Variants in DLG2 observed in about 807,000 individuals in gnomAD.
DLG2 encodes the protein disks large homolog 2.
Under a neutral mutation model 132.5 loss-of-function variants are expected in DLG2, and 45 were observed. The observed-to-expected ratio is 0.34, with a 90% confidence interval of 0.27 to 0.44. The LOEUF is 0.44. DLG2 is among the 20% of genes least tolerant of loss of function. The probability of loss-of-function intolerance (pLI) is 1.00; values close to 1 mark genes in which losing one functional copy is unlikely to be tolerated. For missense variants in DLG2, 1,045 were observed against 1,196.9 expected (o/e 0.87, Z 1.87); for synonymous variants, 424 against 419.6 (o/e 1.01, Z -0.13).
chr11:83,821,827 T>C (rs928234238), intron 17 of DLG2, among the ~76,000 whole-genome samples: 1 of 152,158 alleles, frequency 6.6e-6, no homozygotes, highest in Non-Finnish European at 1.5e-5. Flanking sequence ...AATTTCCTTC[T>C]CTCTACTGAA....
chr11:83,732,663 C>T (rs936299349), intron 18 of DLG2, among the ~76,000 whole-genome samples: 1 of 152,180 alleles, frequency 6.6e-6, no homozygotes, highest in African/African-American at 2.4e-5. Context: ...TATTCATTAT[C>T]ATGTGTGCTT....
chr11:84,419,211 T>TTAAG (rs1184955330), intron 7 of DLG2, among the ~76,000 whole-genome samples: 2 of 152,176 alleles, frequency 1.3e-5, no homozygotes, highest in Admixed American at 1.3e-4. Flanking sequence ...TTTGGTGGGC[T>TTAAG]TGTGTAAGAT....
chr11:85,371,283 G>A (rs920076134), intron 3 of DLG2, among the ~76,000 whole-genome samples: 20 of 152,044 alleles, frequency 1.3e-4, no homozygotes, highest in African/African-American at 4.1e-4. Flanking sequence ...TTTGACTTTC[G>A]CTTGGAATAT....
chr11:83,482,066 G>T (rs2093161626), intron 22 of DLG2, among the ~76,000 whole-genome samples: 1 of 151,818 alleles, frequency 6.6e-6, no homozygotes, highest in African/African-American at 2.4e-5. Flanking sequence ...TTAAACTTCA[G>T]CCACTAATTC....
At chr11:84,428,496 G>T (rs1013829043) in intron 7 of DLG2, among the ~76,000 whole-genome samples, 1 of 152,116 alleles carries the variant, frequency 6.6e-6, no homozygotes, top group Non-Finnish European at 1.5e-5. Flanking sequence ...TAAGATCAAG[G>T]TTCTATCAGG....
intron 6 of DLG2, among the ~76,000 whole-genome samples, chr11:84,778,454 A>C (rs1222965025): frequency 2.0e-5 from 3 of 152,128 alleles, no homozygotes; most frequent in African/African-American, 7.2e-5. Flanking sequence ...TGATTCCATA[A>C]AATTTTTAAA....
At chr11:84,665,194 A>C (rs1193452303) in intron 6 of DLG2, among the ~76,000 whole-genome samples, 1 of 152,156 alleles carries the variant, frequency 6.6e-6, no homozygotes, top group African/African-American at 2.4e-5. Flanking sequence ...GTTTGTTATC[A>C]CAGCTGACCA....
intron 17 of DLG2, among the ~76,000 whole-genome samples, chr11:83,826,697 T>A (rs2052893817): frequency 6.6e-6 from 1 of 152,180 alleles, no homozygotes. Flanking sequence ...TTTAAGAGTA[T>A]GTCCTGGCTG....
At chr11:84,040,745 C>A (rs1348424589) in intron 11 of DLG2, among the ~76,000 whole-genome samples, 2 of 149,896 alleles carry the variant, frequency 1.3e-5, no homozygotes, top group Admixed American at 1.3e-4. Flanking sequence ...TAGTTTTTTC[C>A]AATTCTGTGA....
At chr11:83,592,224 A>G (rs1355049631) in intron 19 of DLG2, among the ~76,000 whole-genome samples, 2 of 151,064 alleles carry the variant, frequency 1.3e-5, no homozygotes, top group Non-Finnish European at 3.0e-5. Context: ...GAGGCATCAC[A>G]CTACCTGACT....
intron 25 of DLG2, among the ~76,000 whole-genome samples, chr11:83,468,072 G>A (rs1172454168): frequency 6.6e-6 from 1 of 151,902 alleles, no homozygotes; most frequent in Non-Finnish European, 1.5e-5. Context: ...ACCTCCTGGA[G>A]AGAAATGTCC....
At chr11:84,043,373 T>C (rs1373031653) in intron 11 of DLG2, among the ~76,000 whole-genome samples, 3 of 151,742 alleles carry the variant, frequency 2.0e-5, no homozygotes, top group East Asian at 1.9e-4. Context: ...ATATGTTTTT[T>C]GGATTTTTAA....
chr11:84,902,475 A>G (rs573185718), intron 6 of DLG2, among the ~76,000 whole-genome samples: 7 of 152,116 alleles, frequency 4.6e-5, no homozygotes, highest in Non-Finnish European at 8.8e-5. Flanking sequence ...TATATCTAAA[A>G]AGTGCATTAT....
intron 20 of DLG2, among the ~76,000 whole-genome samples, chr11:83,533,499 G>A (rs1004811099): frequency 6.6e-6 from 1 of 152,252 alleles, no homozygotes; most frequent in African/African-American, 2.4e-5. Flanking sequence ...TGATATCAAT[G>A]TGGGAGCACC....
intron 7 of DLG2, among the ~76,000 whole-genome samples, chr11:84,503,045 T>C (rs1182889206): frequency 6.6e-6 from 1 of 152,164 alleles, no homozygotes; most frequent in Non-Finnish European, 1.5e-5. Context: ...TGTAATACAT[T>C]CTAAAAATCT....
intron 19 of DLG2, among the ~76,000 whole-genome samples, chr11:83,617,525 T>C (rs1031037017): frequency 2.0e-5 from 3 of 152,222 alleles, no homozygotes; most frequent in Admixed American, 6.5e-5. Context: ...TAGCAGTCTA[T>C]CTAGTTATTT....
intron 6 of DLG2, among the ~76,000 whole-genome samples, chr11:84,704,928 CAT>C (rs891560576): frequency 4.7e-5 from 7 of 148,314 alleles, no homozygotes; most frequent in African/African-American, 1.2e-4. Context: ...TGTATATACA[CAT>C]ATATATTATA....
At chr11:83,733,240 CAAA>C (rs71066061) in intron 18 of DLG2, among the ~76,000 whole-genome samples, 9 of 46,248 alleles carry the variant, frequency 1.9e-4, no homozygotes, top group African/African-American at 5.3e-4. Flanking sequence ...GACCCCATCT[CAAA>C]AAAAAAAAAA....
intron 6 of DLG2, among the ~76,000 whole-genome samples, chr11:84,897,221 T>C (rs2090324392): frequency 6.6e-6 from 1 of 151,934 alleles, no homozygotes; most frequent in South Asian, 2.1e-4. Context: ...AATCACCTTA[T>C]ATATTGTCTT....
Sources: gnomAD v4.1 joint callset for allele counts (sites outside exome capture counted in the v4.1 genomes callset) on GRCh38, gnomAD v4.1.1 for gene constraint, MANE v1.5 for transcripts, NCBI Gene and HGNC (gene_info 2026-07-23, HGNC 2026-07-21) for gene names.